CASR: variants seen among roughly 807,000 people sequenced by gnomAD.
CASR encodes calcium sensing receptor.
A neutral mutation model predicts 69.1 loss-of-function variants in CASR; 23 were observed. The observed-to-expected ratio is 0.33, with a 90% CI of 0.24 to 0.47. The LOEUF is 0.47. CASR is among the 20% of genes least tolerant of loss of function. CASR has a pLI of 1.00. For missense variants in CASR, 924 were observed against 1,356.1 expected (o/e 0.68, Z 5.00); for synonymous variants, 541 against 544.7 (o/e 0.99, Z 0.10).
intron 1 of CASR, among the ~76,000 whole-genome samples, chr3:122,198,648 A>G (rs748481391): frequency 2.0e-5 from 3 of 151,722 alleles, no homozygotes; most frequent in African/African-American, 4.8e-5. Flanking sequence ...CAGTTAGGAA[A>G]TGTTGTTTTT....
chr3:122,203,449 C>A (rs963190490), intron 1 of CASR, among the ~76,000 whole-genome samples: 5 of 152,160 alleles, frequency 3.3e-5, no homozygotes, highest in African/African-American at 4.8e-5. Context: ...AGGCTACAAA[C>A]CTGTACAGCA....
intron 1 of CASR, among the ~76,000 whole-genome samples, chr3:122,234,225 G>A (rs1283218375): frequency 4.6e-5 from 7 of 152,114 alleles, no homozygotes; most frequent in African/African-American, 1.7e-4. Context: ...CAAGCTTTGT[G>A]GGCCAATCTT....
At chr3:122,266,970 C>T (rs2074702073) in intron 4 of CASR, among the ~76,000 whole-genome samples, 1 of 152,216 alleles carries the variant, frequency 6.6e-6, no homozygotes, top group African/African-American at 2.4e-5. Context: ...CACCACTGCA[C>T]TCCAGCCTGG....
At position 122,257,204 on chromosome 3, in the gene CASR, C is replaced by G. The variant is rs373057548; in HGVS notation, c.309C>G (p.Thr103=). The G allele has an allele frequency of 6.2e-7, 1 of 1,614,038 alleles. No individual in the cohort carries two copies. Among genetic ancestry groups the G allele is most frequent in the African/African-American group, 1.3e-5 (1 of 74,922 alleles). ...ACAGGATATTTGACACTTGCAACAC[C>G]GTTTCTAAGGCCTTGGAAGCCACCC... The part of the protein sequence containing the change: ...LGYRIFDTCN[T]VSKALEATLS... Residue 103 remains threonine (T), a synonymous_variant, in exon 3 of 7, where the codon ACC becomes ACG. Coordinates refer to ENST00000639785, the MANE Select transcript of CASR (RefSeq NM_000388.4).
At chr3:122,230,273 C>G (rs1049382796) in intron 1 of CASR, among the ~76,000 whole-genome samples, 1 of 152,226 alleles carries the variant, frequency 6.6e-6, no homozygotes, top group African/African-American at 2.4e-5. Context: ...GATGACGCCT[C>G]GCGGTGAGGG....
chr3:122,275,003 C>T (rs1051731571), intron 4 of CASR, among the ~76,000 whole-genome samples: 7 of 152,024 alleles, frequency 4.6e-5, no homozygotes, highest in Non-Finnish European at 1.0e-4. Context: ...GGATTGTGAC[C>T]CTGGACGAGA....
At chr3:122,274,621 G>A (rs1183052669) in intron 4 of CASR, among the ~76,000 whole-genome samples, 1 of 152,204 alleles carries the variant, frequency 6.6e-6, no homozygotes, top group Non-Finnish European at 1.5e-5. Flanking sequence ...ATGATAAATG[G>A]CTGGGCGCAG....
At chr3:122,228,535 G>A (rs1050300068) in intron 1 of CASR, among the ~76,000 whole-genome samples, 12 of 152,190 alleles carry the variant, frequency 7.9e-5, no homozygotes, top group Non-Finnish European at 1.6e-4. Context: ...CTTCAATTGA[G>A]ATTACACCTC....
chr3:122,185,277 G>C (rs892043126), intron 1 of CASR, among the ~76,000 whole-genome samples: 1 of 152,002 alleles, frequency 6.6e-6, no homozygotes, highest in African/African-American at 2.4e-5. Flanking sequence ...CCCACTCTAC[G>C]TGTTCTGTCG....
chr3:122,218,127 G>A (rs761925490), intron 1 of CASR, among the ~76,000 whole-genome samples: 4 of 151,998 alleles, frequency 2.6e-5, no homozygotes, highest in Admixed American at 6.6e-5. Context: ...TAATGGATTG[G>A]AGGGGGGCCC....
intron 4 of CASR, among the ~76,000 whole-genome samples, chr3:122,272,109 A>G (rs1265504033): frequency 2.0e-5 from 3 of 152,052 alleles, no homozygotes; most frequent in African/African-American, 7.2e-5. Flanking sequence ...ACACACACAC[A>G]CACACACACA....
chr3:122,266,587 G>A (rs572535560), intron 4 of CASR, among the ~76,000 whole-genome samples: 139 of 151,488 alleles, frequency 9.2e-4, no homozygotes, highest in Admixed American at 1.9e-3. Flanking sequence ...CTTCCCCTTC[G>A]TTTATTCTTT....
At position 122,284,115 on chromosome 3, in the gene CASR, C is replaced by T. The variant is rs942603230; in HGVS notation, c.2161C>T (p.Leu721Phe). 2.5e-6 allele frequency: 4 copies of T among 1,613,906 alleles called. No homozygotes were observed. The African/African-American group carries it at 4.0e-5, about 16-fold the overall frequency. ...PTSFHRKWWG[L>F]NLQFLLVFLC... is the part of the protein sequence containing the mutation. ...CAGCTTCCACCGCAAGTGGTGGGGG[C>T]TCAACCTGCAGTTCCTGCTGGTTTT... The change falls in exon 7 of 7, where the codon CTC (leucine) becomes TTC (phenylalanine). Residue 721 changes from leucine to phenylalanine, a missense_variant. This residue lies in a region of CASR where 184 missense variants were observed against 278.8 expected (regional missense o/e 0.66). Coordinates refer to ENST00000639785, the MANE Select transcript of CASR (RefSeq NM_000388.4).
At chr3:122,250,386 AC>A (rs1393845970) in intron 1 of CASR, among the ~76,000 whole-genome samples, 13 of 152,192 alleles carry the variant, frequency 8.5e-5, no homozygotes, top group Non-Finnish European at 1.5e-4. Flanking sequence ...TGTTGAATGA[AC>A]TAATTAAGTT....
chr3:122,252,409 A>AGGAAAAAGAAAGAAAGAGAAAG (rs1553765626), intron 1 of CASR, among the ~76,000 whole-genome samples: 1 of 6,474 alleles, frequency 1.5e-4, no homozygotes, highest in Non-Finnish European at 3.8e-4. Flanking sequence ...GAAGGAAGGA[A>AGGAAAAAGAAAGAAAGAGAAAG]AAAGAAAGAA....
rs751831967 is a variant in CASR, at chr3:122,203,862, GTA to G, written c.-243+20052_-243+20053del. 5.9e-5 allele frequency among the ~76,000 whole-genome samples: 9 copies of G among 152,324 alleles called. No individual in the cohort carries two copies. In the East Asian group the frequency reaches 1.3e-3, roughly 23 times the overall value. On this transcript the variant is annotated intron_variant, in intron 1 of 6. Coordinates refer to ENST00000639785, the MANE Select transcript of CASR (RefSeq NM_000388.4). ...CACCATGGTATATGCAGTTTGTAGTGTATGACTATATTTAGATTTTCTTTAAT... is the reference window on the plus strand; with the variant it reads ...CACCATGGTATATGCAGTTTGTAGTGTGACTATATTTAGATTTTCTTTAAT...
At chr3:122,248,294 A>G (rs556592354) in intron 1 of CASR, among the ~76,000 whole-genome samples, 7 of 152,316 alleles carry the variant, frequency 4.6e-5, no homozygotes, top group Admixed American at 1.3e-4. Context: ...ATAGAAACCC[A>G]TATTGTGGAT....
intron 1 of CASR, among the ~76,000 whole-genome samples, chr3:122,210,664 C>A (rs1271354822): frequency 6.6e-6 from 1 of 151,992 alleles, no homozygotes; most frequent in East Asian, 1.9e-4. Flanking sequence ...CCTTACTGCA[C>A]AAAGTAATGT....
At chr3:122,271,523 A>T (rs1243533518) in intron 4 of CASR, among the ~76,000 whole-genome samples, 1 of 152,250 alleles carries the variant, frequency 6.6e-6, no homozygotes, top group Non-Finnish European at 1.5e-5. Flanking sequence ...TGCCAACTAC[A>T]AATGTCGGTT....
Sources: gnomAD v4.1 joint callset for allele counts (sites outside exome capture counted in the v4.1 genomes callset) on GRCh38, gnomAD v4.1.1 for gene constraint, gnomAD v4.1.1 regional missense constraint, MANE v1.5 for transcripts, NCBI Gene and HGNC (gene_info 2026-07-23, HGNC 2026-07-21) for gene names.